The following CADM1 variants were observed in gnomAD, a reference collection of about 807,000 sequenced individuals.
CADM1 encodes TSLC-1.
A neutral mutation model predicts 53.1 loss-of-function variants in CADM1; 15 were observed. The ratio of observed to expected loss-of-function variants is 0.28; its 90% CI spans 0.19 to 0.44. CADM1 has a LOEUF of 0.44. Among genes scored for constraint, CADM1 ranks in the 20% least tolerant of loss-of-function variants. The pLI is 1.00. For synonymous variants in CADM1, 281 were observed against 243.0 expected (o/e 1.16, Z -1.45); for missense variants, 434 against 611.3 (o/e 0.71, Z 3.06).
intron 3 of CADM1, 132 bp from the exon 4 acceptor site, chr11:115,231,622 G>C (rs540555434): frequency 1.2e-6 from 1 of 814,744 alleles, no homozygotes; most frequent in Admixed American, 1.9e-5. Flanking sequence ...GAAATACAAA[G>C]TAATCATCAA....
chr11:115,482,859 T>C (rs1054847389), intron 1 of CADM1, among the ~76,000 whole-genome samples: 1 of 152,354 alleles, frequency 6.6e-6, no homozygotes, highest in South Asian at 2.1e-4. Flanking sequence ...AATTTTGTTT[T>C]CAAAGAAAAT....
chr11:115,304,354 G>A (rs931911294), intron 1 of CADM1, among the ~76,000 whole-genome samples: 9 of 151,950 alleles, frequency 5.9e-5, no homozygotes, highest in South Asian at 4.1e-4. Context: ...CTTATCAAGC[G>A]CTTACATTTA....
At chr11:115,270,614 C>T (rs1943270439) in intron 1 of CADM1, among the ~76,000 whole-genome samples, 1 of 152,148 alleles carries the variant, frequency 6.6e-6, no homozygotes, top group South Asian at 2.1e-4. Flanking sequence ...AGCTCCAATT[C>T]AATGTTTATT....
intron 1 of CADM1, among the ~76,000 whole-genome samples, chr11:115,318,016 A>ACACACAC (rs781587252): frequency 6.7e-6 from 1 of 149,264 alleles, no homozygotes; most frequent in African/African-American, 2.4e-5. Context: ...ACACACACAC[A>ACACACAC]ATAAAAGTAA....
intron 4 of CADM1, among the ~76,000 whole-genome samples, chr11:115,229,871 A>C (rs911846037): frequency 2.0e-5 from 3 of 152,198 alleles, no homozygotes; most frequent in Admixed American, 6.5e-5. Context: ...GGAAGACCTC[A>C]AAAATGCAGT....
At chr11:115,373,256 G>T (rs1025481873) in intron 1 of CADM1, among the ~76,000 whole-genome samples, 2 of 152,106 alleles carry the variant, frequency 1.3e-5, no homozygotes, top group Admixed American at 6.5e-5. Flanking sequence ...AACAAGAAAA[G>T]AATTCAGATT....
At chr11:115,241,663 G>A (rs1942235721) in intron 1 of CADM1, among the ~76,000 whole-genome samples, 1 of 152,132 alleles carries the variant, frequency 6.6e-6, no homozygotes, top group Non-Finnish European at 1.5e-5. Context: ...ATAAATGGCA[G>A]CTGCTGCTAT....
chr11:115,400,593 CTCTCA>C (rs1947116408), intron 1 of CADM1, among the ~76,000 whole-genome samples: 2 of 105,738 alleles, frequency 1.9e-5, no homozygotes, highest in Non-Finnish European at 3.7e-5. Flanking sequence ...ATATATATAT[CTCTCA>C]TATATATAAT....
At chr11:115,308,053 A>G (rs1422816860) in intron 1 of CADM1, among the ~76,000 whole-genome samples, 3 of 151,794 alleles carry the variant, frequency 2.0e-5, no homozygotes, top group Non-Finnish European at 2.9e-5. Context: ...AAGGAGAAGT[A>G]GAAAAAAAAT....
At chr11:115,442,006 A>G (rs750544440) in intron 1 of CADM1, among the ~76,000 whole-genome samples, 4 of 152,062 alleles carry the variant, frequency 2.6e-5, no homozygotes, top group Non-Finnish European at 5.9e-5. Context: ...TCTGATCCCT[A>G]CCTTCACAGA....
intron 1 of CADM1, among the ~76,000 whole-genome samples, chr11:115,279,290 C>T (rs1943525420): frequency 6.6e-6 from 1 of 152,104 alleles, no homozygotes; most frequent in African/African-American, 2.4e-5. Context: ...ATAGTCAATG[C>T]CTACCAATGG....
intron 1 of CADM1, among the ~76,000 whole-genome samples, chr11:115,473,628 C>T (rs1008947826): frequency 6.6e-6 from 1 of 152,040 alleles, no homozygotes; most frequent in South Asian, 2.1e-4. Flanking sequence ...AACAAATGAA[C>T]ATTTATAGGC....
At chr11:115,207,947 G>T (rs750065435) in intron 8 of CADM1, among the ~76,000 whole-genome samples, 8 of 152,260 alleles carry the variant, frequency 5.3e-5, no homozygotes, top group Non-Finnish European at 1.2e-4. Context: ...AATGTGAAAA[G>T]GTAAAAACCT....
intron 1 of CADM1, among the ~76,000 whole-genome samples, chr11:115,431,929 A>T (rs548649249): frequency 8.7e-4 from 131 of 150,616 alleles, no homozygotes; most frequent in African/African-American, 2.7e-3. Context: ...TATATATATA[A>T]AACCATATAT....
At position 115,238,665 on chromosome 11, in the gene CADM1, A is replaced by G. The variant is rs755095618; in HGVS notation, c.272-13T>C. On this transcript the variant is annotated splice_polypyrimidine_tract_variant and intron_variant, in intron 2 of 11. Coordinates refer to ENST00000331581, the MANE Select transcript of CADM1 (RefSeq NM_001301043.2). ...CTGTCCTTCAAAGCTGTGAAACAAA[A>G]CAGAGAGTTAGTGATTGTGAGAAGG... 6.2e-7 allele frequency: 1 copy of G among 1,613,592 alleles called. No individual in the cohort carries two copies. Among genetic ancestry groups the G allele is most frequent in the Non-Finnish European group, 8.5e-7 (1 of 1,179,646 alleles).
intron 1 of CADM1, among the ~76,000 whole-genome samples, chr11:115,357,596 GCT>G (rs1479777569): frequency 1.3e-5 from 2 of 152,098 alleles, no homozygotes; most frequent in Non-Finnish European, 2.9e-5. Context: ...ACTGTTCTAA[GCT>G]CTGTTTTCTT....
intron 1 of CADM1, among the ~76,000 whole-genome samples, chr11:115,422,176 A>G (rs1008578990): frequency 8.5e-5 from 13 of 152,188 alleles, no homozygotes; most frequent in African/African-American, 3.1e-4. Flanking sequence ...TGGGTTACAA[A>G]TTACAGGTGT....
chr11:115,484,713 C>T (rs575873931), intron 1 of CADM1, among the ~76,000 whole-genome samples: 7 of 151,766 alleles, frequency 4.6e-5, no homozygotes, highest in South Asian at 4.2e-4. Context: ...TTTGGGAGGC[C>T]GAGGCGGGCG....
intron 1 of CADM1, among the ~76,000 whole-genome samples, chr11:115,444,441 G>T (rs1948401370): frequency 1.3e-5 from 2 of 152,254 alleles, no homozygotes; most frequent in Non-Finnish European, 2.9e-5. Context: ...CATTTGTCAT[G>T]ATGAAAGCTG....
Sources: allele counts gnomAD v4.1 joint callset (sites outside exome capture counted in the v4.1 genomes callset), GRCh38; gene constraint gnomAD v4.1.1; transcripts MANE v1.5; gene names NCBI Gene and HGNC (gene_info 2026-07-23, HGNC 2026-07-21).